The following OTOGL variants were observed in gnomAD, a reference collection of about 807,000 sequenced individuals.
OTOGL encodes otogelin like.
Under a neutral mutation model 318.5 loss-of-function variants are expected in OTOGL, and 285 were observed. The ratio of observed to expected loss-of-function variants is 0.89; its 90% CI spans 0.81 to 0.99. OTOGL has a LOEUF of 0.99. OTOGL is among the 50% of genes least tolerant of loss of function. OTOGL has a pLI of 0.00. For synonymous variants in OTOGL, 987 were observed against 936.5 expected (o/e 1.05, Z -0.99); for missense variants, 2,899 against 2,845.6 (o/e 1.02, Z -0.43).
At position 80,336,919 on chromosome 12, in the gene OTOGL, C is replaced by A; in HGVS notation, c.4775C>A (p.Ser1592Tyr). Residue 1592 changes from serine to tyrosine, a missense_variant, in exon 42 of 59, where the codon TCT becomes TAT. Coordinates refer to ENST00000547103, the MANE Select transcript of OTOGL (RefSeq NM_001378609.3). ...AATTTTTTTCAAATTAAGGCTCCCT[C>A]TGGAAGAATCTCTGGACTTTGTTTT... ...NGNSLKKLAP[S>Y]GRISGLCFKK... 6.3e-7 allele frequency: 1 copy of A among 1,584,538 alleles called. No homozygotes were observed. The highest frequency in any genetic ancestry group is 8.6e-7 in the Non-Finnish European group (1 of 1,163,602).
intron 29 of OTOGL, among the ~76,000 whole-genome samples, chr12:80,306,727 G>A (rs964067934): frequency 2.7e-5 from 4 of 149,546 alleles, no homozygotes; most frequent in East Asian, 2.0e-4. Flanking sequence ...GAAAAAAATC[G>A]TTTTACATTC....
chr12:80,360,417 C>A (rs1274079820), intron 52 of OTOGL, among the ~76,000 whole-genome samples: 25 of 104,158 alleles, frequency 2.4e-4, no homozygotes, highest in Non-Finnish European at 5.9e-5. Flanking sequence ...TCCCCGCTCC[C>A]CTTTTCTCCC....
At chr12:80,119,081 A>G (rs1295739577) in intron 1 of OTOGL, among the ~76,000 whole-genome samples, 1 of 152,282 alleles carries the variant, frequency 6.6e-6, no homozygotes, top group East Asian at 1.9e-4. Flanking sequence ...TATATTCTAG[A>G]AAAGACAGTG....
intron 35 of OTOGL, among the ~76,000 whole-genome samples, chr12:80,324,688 A>G (rs1887565516): frequency 6.6e-6 from 1 of 152,210 alleles, no homozygotes; most frequent in African/African-American, 2.4e-5. Flanking sequence ...GGATTTGACC[A>G]GGTTGGTGGC....
intron 1 of OTOGL, among the ~76,000 whole-genome samples, chr12:80,108,027 C>A (rs1869559855): frequency 6.6e-6 from 1 of 152,052 alleles, no homozygotes; most frequent in Non-Finnish European, 1.5e-5. Flanking sequence ...ATGAAATGAT[C>A]TGTACACCAA....
intron 33 of OTOGL, among the ~76,000 whole-genome samples, chr12:80,319,837 G>T (rs1426384276): frequency 2.6e-5 from 4 of 152,116 alleles, no homozygotes; most frequent in African/African-American, 4.8e-5. Context: ...GCTTTGTAAA[G>T]CTCATTAGCC....
intron 1 of OTOGL, among the ~76,000 whole-genome samples, chr12:80,144,569 C>CCAGT: frequency 6.6e-6 from 1 of 151,406 alleles, no homozygotes; most frequent in East Asian, 1.9e-4. Context: ...GGGTATATAT[C>CCAGT]CAGTAATGGG....
intron 55 of OTOGL, 32 bp from the exon 56 acceptor site, chr12:80,370,538 T>G: frequency 6.9e-7 from 1 of 1,444,640 alleles, no homozygotes; most frequent in South Asian, 1.6e-5. Context: ...GATTTTAATA[T>G]GCTAAATAGT....
intron 26 of OTOGL, among the ~76,000 whole-genome samples, chr12:80,289,113 A>G (rs1216982604): frequency 6.6e-6 from 1 of 151,872 alleles, no homozygotes; most frequent in Non-Finnish European, 1.5e-5. Flanking sequence ...TGATGTTATC[A>G]CTTTCTTTTT....
At chr12:80,322,738 G>A (rs1386380728) in intron 34 of OTOGL, among the ~76,000 whole-genome samples, 3 of 152,128 alleles carry the variant, frequency 2.0e-5, no homozygotes, top group Non-Finnish European at 4.4e-5. Context: ...TCAATCAAGG[G>A]AGGTTTTAGA....
intron 45 of OTOGL, 142 bp from the exon 46 acceptor site, chr12:80,353,183 C>T (rs1054616616): frequency 5.5e-6 from 3 of 545,924 alleles, no homozygotes; most frequent in Admixed American, 3.9e-5. Flanking sequence ...TTTATGGTTA[C>T]AGAGTAAGTG....
intron 27 of OTOGL, 61 bp downstream of exon 27, chr12:80,297,022 T>C: frequency 7.3e-7 from 1 of 1,361,806 alleles, no homozygotes; most frequent in Non-Finnish European, 9.8e-7. Flanking sequence ...GAAAATAGAA[T>C]AGAAATGATT....
At chr12:80,274,236 G>A (rs1883626830) in intron 24 of OTOGL, among the ~76,000 whole-genome samples, 1 of 152,048 alleles carries the variant, frequency 6.6e-6, no homozygotes, top group African/African-American at 2.4e-5. Context: ...TAGCCAAATT[G>A]TGAATGCAAA....
chr12:80,123,400 A>G (rs1290459341), intron 1 of OTOGL, among the ~76,000 whole-genome samples: 1 of 152,304 alleles, frequency 6.6e-6, no homozygotes, highest in East Asian at 1.9e-4. Context: ...TCTATGGTGT[A>G]TATGTGCCAC....
chr12:80,252,172 A>C lies in OTOGL; in HGVS notation c.1256A>C (p.His419Pro). ...FEKQCLGSNL[H>P]CLDGCYCPDG... ...AAGCAATGTCTTGGGAGCAATCTCC[A>C]TTGTCTTGATGGATGTTACTGCCCA... is the stretch of plus-strand genomic sequence containing the variant. The change falls in exon 13 of 59, where the codon CAT becomes CCT. Residue 419 changes from histidine to proline, a missense_variant. By Grantham distance (77) the His-to-Pro change is moderately conservative. Around this residue, in one of 3 missense-constraint regions of OTOGL, gnomAD observed 2,607 missense variants for 2,524.9 expected, o/e 1.03. Coordinates refer to ENST00000547103, the MANE Select transcript of OTOGL (RefSeq NM_001378609.3). The C allele has an allele frequency of 6.3e-7, 1 of 1,596,654 alleles. No homozygotes were observed. The highest frequency in any genetic ancestry group is 8.5e-7 in the Non-Finnish European group (1 of 1,170,448).
intron 1 of OTOGL, among the ~76,000 whole-genome samples, chr12:80,170,636 G>T (rs113549369): frequency 0.14 from 21,911 of 152,040 alleles, 2,789 homozygotes; most frequent in African/African-American, 0.34. Context: ...GTTTCACCAT[G>T]TTGCCCAGGC....
intron 4 of OTOGL, among the ~76,000 whole-genome samples, chr12:80,213,249 A>G (rs187246261): frequency 8.3e-4 from 127 of 152,288 alleles, no homozygotes; most frequent in African/African-American, 2.7e-3. Flanking sequence ...GGCATTTGTA[A>G]ACTGTCATGG....
At chr12:80,151,872 G>A (rs1040636837) in intron 1 of OTOGL, among the ~76,000 whole-genome samples, 14 of 152,302 alleles carry the variant, frequency 9.2e-5, no homozygotes, top group African/African-American at 3.1e-4. Context: ...TGTGCCTATA[G>A]AATCTAACAA....
intron 43 of OTOGL, among the ~76,000 whole-genome samples, chr12:80,341,442 C>T (rs1250169750): frequency 6.6e-6 from 1 of 152,142 alleles, no homozygotes; most frequent in East Asian, 1.9e-4. Context: ...TACCTTTATG[C>T]CAATCAGAGC....
Sources: allele counts gnomAD v4.1 joint callset (sites outside exome capture counted in the v4.1 genomes callset), GRCh38; gene constraint gnomAD v4.1.1; regional missense constraint gnomAD v4.1.1; transcripts MANE v1.5; gene names NCBI Gene and HGNC (gene_info 2026-07-23, HGNC 2026-07-21).